GPRC5C: variants seen among roughly 807,000 people sequenced by gnomAD.
The protein encoded by GPRC5C is G protein-coupled receptor family C group 5 member C.
GPRC5C carries 22 observed loss-of-function variants against 31.4 expected under a neutral mutation model. The ratio of observed to expected loss-of-function variants is 0.70; its 90% CI spans 0.50 to 1.00. The LOEUF (loss-of-function observed/expected upper bound fraction) is 1.00. Ranked by LOEUF, GPRC5C falls within the 50% of genes least tolerant of loss-of-function variation. The pLI is 0.00. For missense variants in GPRC5C, 557 were observed against 597.2 expected (o/e 0.93, Z 0.70); for synonymous variants, 249 against 257.5 (o/e 0.97, Z 0.32).
In GPRC5C at chr17:74,440,936, G is replaced by T; in HGVS notation, c.1051+109G>T. The T allele has an allele frequency of 2.1e-6, 2 of 973,252 alleles. No homozygotes were observed. The highest frequency in any genetic ancestry group is 3.5e-5 in the South Asian group (1 of 28,706). 60.3% of individuals were successfully genotyped at this position (973,252 alleles called of 1,614,324 possible). A position where few individuals can be genotyped will look rare whatever the true frequency, so the allele number is the denominator to read the frequency against. On this transcript the variant is annotated intron_variant, in intron 2 of 3. Coordinates refer to ENST00000392627, the MANE Select transcript of GPRC5C (RefSeq NM_022036.4). This position sits in a 1 kb window ranked among gnomAD's most constrained non-coding sequence, Gnocchi z 4.4. ...AAATGGAAAGTTTTTGAGGTTTTCT[G>T]TAGTTTTCTGCCTAAGTGTCTCTAA...
Position 74,447,257 on chromosome 17 carries a change from C to A in GPRC5C, c.*229C>A. ...GCCAACCCCAGCCTCCTGCCAGGAT[C>A]ACCTCGGCGGTCACACTCCAGCCAA... On this transcript the variant is annotated 3_prime_UTR_variant, in exon 4 of 4. Transcript: ENST00000392627. 1 of 1,295,850 alleles carries A rather than the reference C, an allele frequency of 7.7e-7. No individual in the cohort carries two copies. The highest frequency in any genetic ancestry group is 9.8e-7 in the Non-Finnish European group (1 of 1,019,836). The allele number at this position is 1,295,850 out of a possible 1,614,324, so 80.3% of individuals were successfully genotyped here.
chr17:74,440,426 T>A lies in GPRC5C; in HGVS notation c.650T>A (p.Met217Lys), dbSNP rs1402548252. The change falls in exon 2 of 4, where the codon ATG (methionine) becomes AAG (lysine). Residue 217 changes from methionine (M) to lysine (K), a missense_variant. Coordinates refer to ENST00000392627, the MANE Select transcript of GPRC5C (RefSeq NM_022036.4). This position sits in a 1 kb window ranked among gnomAD's most constrained non-coding sequence, Gnocchi z 4.4. ...MDFVMALIYV[M>K]LLLLGAFLGA... ...TTTGTCATGGCACTCATCTACGTCA[T>A]GCTGCTGCTGCTGGGTGCCTTCCTG... The A allele has an allele frequency of 1.4e-5, 22 of 1,610,016 alleles. No homozygotes were observed. Among genetic ancestry groups the A allele is most frequent in the Non-Finnish European group, 1.8e-5 (21 of 1,176,844 alleles).
In GPRC5C at chr17:74,443,817, G is replaced by A; in HGVS notation, c.1052-1G>A. ...CAAACTGTTCCTGCTTTTCCTTGTAGCTAAGAGGCCGGTGTCACCATACAG... is the reference window on the plus strand; with the variant it reads ...CAAACTGTTCCTGCTTTTCCTTGTAACTAAGAGGCCGGTGTCACCATACAG... On this transcript the variant is annotated splice_acceptor_variant, in intron 2 of 3. Transcript: ENST00000392627. LOFTEE classifies it high-confidence loss of function. 1.2e-6 allele frequency: 2 copies of A among 1,608,168 alleles called. No homozygotes were observed. The highest frequency in any genetic ancestry group is 1.7e-6 in the Non-Finnish European group (2 of 1,174,564).
chr17:74,443,581 TCA>T (rs1567963187), intron 2 of GPRC5C: 5 of 666,210 alleles, frequency 7.5e-6, no homozygotes, highest in Non-Finnish European at 1.4e-5. Flanking sequence ...GCAGGGAAGC[TCA>T]GCAGTGTTGT....
intron 1 of GPRC5C, among the ~76,000 whole-genome samples, chr17:74,438,654 C>T (rs1285255218): frequency 1.3e-5 from 2 of 152,148 alleles, no homozygotes; most frequent in African/African-American, 2.4e-5. Flanking sequence ...TCACCTTGAC[C>T]TCCCAAAGTG....
downstream of GPRC5C, chr17:74,450,001 G>A (rs2055697622): frequency 1.3e-5 from 2 of 152,432 alleles, no homozygotes; most frequent in African/African-American, 2.4e-5. Context: ...CTGAGCCCTT[G>A]GGGTGTTTCA....
At position 74,440,747 on chromosome 17, in the gene GPRC5C, A is replaced by C. The variant is rs769480115; in HGVS notation, c.971A>C (p.Tyr324Ser). Residue 324 changes from tyrosine (Y) to serine (S), a missense_variant, in exon 2 of 4, where the codon TAT (tyrosine) becomes TCT (serine). Transcript: ENST00000392627. The surrounding 1 kb of genome is among the most constrained non-coding windows in gnomAD (Gnocchi z 4.4). ...GDMYPTRGVG[Y>S]ETILKEQKGQ... The stretch of plus-strand genomic sequence containing the variant: ...ATGTACCCCACCCGGGGCGTGGGCT[A>C]TGAGACCATCCTGAAAGAGCAGAAG... 1.3e-6 allele frequency: 2 copies of C among 1,590,428 alleles called. No individual in the cohort carries two copies. The highest frequency in any genetic ancestry group is 1.7e-5 in the Admixed American group (1 of 58,794).
At position 74,437,827 on chromosome 17, in the gene GPRC5C, T is replaced by C. The variant is rs561659838; in HGVS notation, c.-32-1918T>C. Among the ~76,000 whole-genome samples, 4 of 152,146 alleles carry C rather than the reference T, an allele frequency of 2.6e-5. No homozygotes were observed. In the East Asian group the frequency reaches 7.7e-4, roughly 29 times the overall value. On this transcript the variant is annotated intron_variant, in intron 1 of 3. Coordinates refer to ENST00000392627, the MANE Select transcript of GPRC5C (RefSeq NM_022036.4). The stretch of plus-strand genomic sequence containing the variant: ...GGCAGCCTCACAGAAGAGAGTTAGA[T>C]AATGCCATTCCCCTGCCAGCCACTA...
At chr17:74,446,727 A>T in intron 3 of GPRC5C, 122 bp from the exon 4 acceptor site, 1 of 743,314 alleles carries the variant, frequency 1.3e-6, no homozygotes, top group South Asian at 1.8e-5. Flanking sequence ...GGGGCAGAGG[A>T]GCCGAGGGGG....
chr17:74,449,475 C>T (rs1175633568), downstream of GPRC5C: 25 of 650,012 alleles, frequency 3.8e-5, no homozygotes, highest in Non-Finnish European at 6.0e-5. Context: ...TGGGAGGGGC[C>T]GGAGGCCACC....
rs202033603 is a variant in GPRC5C at position 74,443,868 on chromosome 17, A to G, written c.1102A>G (p.Ser368Gly). Residue 368 changes from serine to glycine, a missense_variant, in exon 3 of 4, where the codon AGT (serine) becomes GGT (glycine). Coordinates refer to ENST00000392627, the MANE Select transcript of GPRC5C (RefSeq NM_022036.4). ...CGGGTACAATGGGCAGCTGCTGACC[A>G]GTGTGTACCAGCCCACTGAGATGGC... ...YSGYNGQLLT[S>G]VYQPTEMALM... 26 of 1,613,574 alleles carry G rather than the reference A, an allele frequency of 1.6e-5. No homozygotes were observed. The highest frequency in any genetic ancestry group is 1.4e-5 in the Non-Finnish European group (16 of 1,179,646).
chr17:74,436,852 A>G (rs2055439037), intron 1 of GPRC5C, among the ~76,000 whole-genome samples: 2 of 152,222 alleles, frequency 1.3e-5, no homozygotes, highest in Non-Finnish European at 2.9e-5. Context: ...TTGAACATTT[A>G]GGATCCCACA....
chr17:74,432,456 C>T, intron 1 of GPRC5C: 4 of 1,085,970 alleles, frequency 3.7e-6, no homozygotes, highest in South Asian at 4.0e-5. Context: ...CACCCCCGCC[C>T]GCCCCCCGCC....
At position 74,440,405 on chromosome 17, in the gene GPRC5C, T is replaced by A; in HGVS notation, c.629T>A (p.Val210Asp). 1 of 1,614,058 alleles carries A rather than the reference T, an allele frequency of 6.2e-7. No individual in the cohort carries two copies. Among genetic ancestry groups the A allele is most frequent in the Non-Finnish European group, 8.5e-7 (1 of 1,179,952 alleles). The change falls in exon 2 of 4, where the codon GTC becomes GAC. Residue 210 changes from valine (V) to aspartate (D), a missense_variant. Coordinates refer to ENST00000392627, the MANE Select transcript of GPRC5C (RefSeq NM_022036.4). This position sits in a 1 kb window ranked among gnomAD's most constrained non-coding sequence, Gnocchi z 4.4. Reference sequence around the variant, plus strand: ...TGTGCCATCGCCAACATGGACTTTGTCATGGCACTCATCTACGTCATGCTG... The same window carrying A: ...TGTGCCATCGCCAACATGGACTTTGACATGGCACTCATCTACGTCATGCTG... ...SPCAIANMDFVMALIYVMLLL... is the reference protein window; with the variant it reads ...SPCAIANMDFDMALIYVMLLL...
chr17:74,441,773 G>A (rs1486629651), intron 2 of GPRC5C, among the ~76,000 whole-genome samples: 4 of 151,698 alleles, frequency 2.6e-5, no homozygotes, highest in African/African-American at 4.8e-5. Context: ...TCAGTGAGCC[G>A]TGATTGCACC....
At chr17:74,448,796 G>A (rs1179419138), downstream of GPRC5C, 5 of 988,214 alleles carry the variant, frequency 5.1e-6, no homozygotes, top group East Asian at 3.0e-4. Flanking sequence ...CAGGGCCTCA[G>A]AGTAGTTCTA....
chr17:74,440,422 G>A lies in GPRC5C; in HGVS notation c.646G>A (p.Val216Ile), dbSNP rs757205835. ...GGACTTTGTCATGGCACTCATCTAC[G>A]TCATGCTGCTGCTGCTGGGTGCCTT... ...NMDFVMALIY[V>I]MLLLLGAFLG... The change falls in exon 2 of 4, where the codon GTC (valine) becomes ATC (isoleucine). Residue 216 changes from valine (V) to isoleucine (I), a missense_variant. Transcript: ENST00000392627. This position sits in a 1 kb window ranked among gnomAD's most constrained non-coding sequence, Gnocchi z 4.4. The A allele has an allele frequency of 1.1e-5, 17 of 1,613,874 alleles. No homozygotes were observed. Among genetic ancestry groups the A allele is most frequent in the South Asian group, 2.2e-5 (2 of 91,078 alleles).
chr17:74,433,735 T>A (rs1413108191), intron 1 of GPRC5C: 1 of 1,613,600 alleles, frequency 6.2e-7, no homozygotes, highest in Admixed American at 1.7e-5. Flanking sequence ...CACAGCACCC[T>A]TGAAGACAGC....
chr17:74,443,972 G>A lies in GPRC5C; in HGVS notation c.1146+60G>A. The A allele has an allele frequency of 2.5e-6, 3 of 1,180,758 alleles. No homozygotes were observed. The South Asian group carries it at 3.8e-5, about 15-fold the overall frequency. The allele number at this position is 1,180,758 out of a possible 1,614,324, so 73.1% of individuals were successfully genotyped here. ...GGGCTACAGAGACCAGCCTCAGCAG[G>A]CCAGTGGGAGAAGGCCATGTGGCCA... On this transcript the variant is annotated intron_variant, in intron 3 of 3. Transcript: ENST00000392627.
Sources: allele counts gnomAD v4.1 joint callset (sites outside exome capture counted in the v4.1 genomes callset), GRCh38; gene constraint gnomAD v4.1.1; non-coding constraint Gnocchi (gnomAD v3.1); transcripts MANE v1.5; gene names NCBI Gene and HGNC (gene_info 2026-07-23, HGNC 2026-07-21).